KANK1: variants seen among roughly 807,000 people sequenced by gnomAD.
The protein encoded by KANK1 is KN motif and ankyrin repeat domain-containing protein 1.
In KANK1, 109 loss-of-function variants were observed where a neutral mutation model predicts 106.2. The ratio of observed to expected loss-of-function variants is 1.03; its 90% confidence interval spans 0.88 to 1.20. The LOEUF (loss-of-function observed/expected upper bound fraction) is 1.20, where lower values mean the gene tolerates loss of function less well. KANK1 is among the 50% of genes most tolerant of loss of function. The pLI, the probability that KANK1 is intolerant of heterozygous loss-of-function variation, is 0.00. For synonymous variants in KANK1, 873 were observed against 652.2 expected, an observed-to-expected ratio of 1.34 and a Z score of -5.16; for missense variants, 2,399 against 1,710.7, an observed-to-expected ratio of 1.40 and a Z score of -7.10.
At chr9:657,814 T>G (rs1842475511) in intron 1 of KANK1, among the ~76,000 whole-genome samples, 1 of 152,134 alleles carries the variant, frequency 6.6e-6, no homozygotes, top group Non-Finnish European at 1.5e-5. Flanking sequence ...TAGGAACTTT[T>G]ATGTTCTTAA....
intron 1 of KANK1, among the ~76,000 whole-genome samples, chr9:625,876 C>G (rs1162713038): frequency 6.6e-6 from 1 of 152,034 alleles, no homozygotes; most frequent in African/African-American, 2.4e-5. Flanking sequence ...GGTTCATTTC[C>G]CGGTTTTAAC....
intron 1 of KANK1, among the ~76,000 whole-genome samples, chr9:611,946 C>T (rs1437794774): frequency 6.6e-6 from 1 of 152,182 alleles, no homozygotes; most frequent in Admixed American, 6.5e-5. Context: ...TCTCGATCTC[C>T]TGACCTTGTG....
chr9:661,204 C>T (rs577875706), intron 1 of KANK1, among the ~76,000 whole-genome samples: 1 of 152,146 alleles, frequency 6.6e-6, no homozygotes, highest in East Asian at 1.9e-4. Context: ...ATACATGTGC[C>T]ATGTTGGTGT....
At chr9:550,313 A>C (rs1162298311) in intron 1 of KANK1, among the ~76,000 whole-genome samples, 2 of 152,054 alleles carry the variant, frequency 1.3e-5, no homozygotes, top group African/African-American at 4.8e-5. Flanking sequence ...GGTGTTTATT[A>C]CCAAAAAAAC....
At chr9:492,286 C>G (rs929512489) in intron 3 of KANK1, 1 of 152,180 alleles carries the variant, frequency 6.6e-6, no homozygotes, top group African/African-American at 2.4e-5. Context: ...AATGATAGTA[C>G]TTAACTTGCA....
chr9:507,059 A>G (rs986463198), intron 1 of KANK1, among the ~76,000 whole-genome samples: 70 of 152,124 alleles, frequency 4.6e-4, no homozygotes, highest in African/African-American at 1.6e-3. Flanking sequence ...TCACCCTTCA[A>G]TAAGAAAAGT....
At position 713,086 on chromosome 9, in the gene KANK1, C is replaced by T. The variant is rs768486417; in HGVS notation, c.2320C>T (p.Leu774Phe). 6.2e-7 allele frequency: 1 copy of T among 1,613,394 alleles called. No individual in the cohort carries two copies. The highest frequency in any genetic ancestry group is 1.1e-5 in the South Asian group (1 of 90,974). The part of the protein sequence containing the change: ...ININDNYLVG[L>F]KMRTIACGPP... ...TATTAACGACAACTATCTGGTTGGT[C>T]TCAAAATGAGGACTATAGCTTGTGG... The change falls in exon 3 of 12, where the codon CTC (leucine) becomes TTC (phenylalanine). Residue 774 changes from leucine (L) to phenylalanine (F), a missense_variant. Coordinates refer to ENST00000382297, the MANE Select transcript of KANK1 (RefSeq NM_015158.5).
intron 3 of KANK1, among the ~76,000 whole-genome samples, chr9:728,637 A>G (rs1173971274): frequency 6.6e-6 from 1 of 152,168 alleles, no homozygotes; most frequent in Non-Finnish European, 1.5e-5. Context: ...TTAGGTCTGA[A>G]AAGAGACATT....
intron 1 of KANK1, among the ~76,000 whole-genome samples, chr9:568,329 A>G (rs1030104207): frequency 6.6e-6 from 1 of 152,208 alleles, no homozygotes; most frequent in Non-Finnish European, 1.5e-5. Context: ...TAAAGTAAGC[A>G]TTTCCTTAAT....
chr9:740,769 CTTT>C lies in KANK1; in HGVS notation c.3554-7_3554-5del, dbSNP rs58169581. 791 of 1,500,084 alleles carry C rather than the reference CTTT, an allele frequency of 5.3e-4. No homozygotes were observed. The highest frequency in any genetic ancestry group is 2.1e-3 in the Admixed American group (99 of 47,714). The allele number at this position is 1,500,084 out of a possible 1,614,324, so 92.9% of individuals were successfully genotyped here. A position where few individuals can be genotyped will look rare whatever the true frequency, so the allele number is the denominator to read the frequency against. ...TTAGAAGGGGCTGCTTCCTAAGAGA[CTTT>C]TTTTTTTTTTTTTTTACAGATGTGT... On this transcript the variant is annotated intron_variant, in intron 8 of 11. Coordinates refer to ENST00000382297, the MANE Select transcript of KANK1 (RefSeq NM_015158.5).
At chr9:571,543 C>T (rs903530138) in intron 1 of KANK1, among the ~76,000 whole-genome samples, 8 of 151,398 alleles carry the variant, frequency 5.3e-5, no homozygotes, top group African/African-American at 1.5e-4. Context: ...GGCAAGGAAA[C>T]AGCTATGCTT....
At chr9:691,739 G>C (rs1019629267) in intron 2 of KANK1, among the ~76,000 whole-genome samples, 1 of 146,966 alleles carries the variant, frequency 6.8e-6, no homozygotes, top group African/African-American at 2.5e-5. Flanking sequence ...CTCAGCTCCC[G>C]AGAAACTGAG....
intron 2 of KANK1, chr9:684,198 A>G (rs1818105903): frequency 2.0e-6 from 2 of 985,414 alleles, no homozygotes; most frequent in Non-Finnish European, 2.4e-6. Context: ...TGAGCCAGTC[A>G]TAATGGCTTA....
intron 1 of KANK1, among the ~76,000 whole-genome samples, chr9:532,565 C>A (rs888728528): frequency 7.9e-5 from 12 of 151,886 alleles, no homozygotes; most frequent in African/African-American, 2.4e-4. Context: ...CTGGTAACAA[C>A]CATTCTACGT....
chr9:597,363 G>C (rs1222100032), intron 1 of KANK1, among the ~76,000 whole-genome samples: 1 of 151,692 alleles, frequency 6.6e-6, no homozygotes, highest in East Asian at 1.9e-4. Context: ...CCATATCCTT[G>C]CAAACATTTA....
intron 1 of KANK1, among the ~76,000 whole-genome samples, chr9:538,227 G>C (rs1349802220): frequency 6.6e-6 from 1 of 152,098 alleles, no homozygotes; most frequent in Admixed American, 6.5e-5. Flanking sequence ...GATTGTACTT[G>C]AGAAAGATCG....
At chr9:603,434 T>C (rs912150758) in intron 1 of KANK1, among the ~76,000 whole-genome samples, 1 of 151,824 alleles carries the variant, frequency 6.6e-6, no homozygotes, top group Non-Finnish European at 1.5e-5. Context: ...AAGAGCAGTT[T>C]GTGTGTCTTC....
intron 1 of KANK1, among the ~76,000 whole-genome samples, chr9:628,223 A>G (rs146956476): frequency 6.6e-6 from 1 of 152,302 alleles, no homozygotes; most frequent in East Asian, 1.9e-4. Flanking sequence ...CTCGTCTTCA[A>G]CCTGCTCCTG....
chr9:592,384 C>CA (rs1825148937), intron 1 of KANK1, among the ~76,000 whole-genome samples: 2 of 151,872 alleles, frequency 1.3e-5, no homozygotes, highest in South Asian at 2.1e-4. Context: ...TGTGTTGACT[C>CA]AAAGACTTTG....
Sources: gnomAD v4.1 joint callset for allele counts (sites outside exome capture counted in the v4.1 genomes callset) on GRCh38, gnomAD v4.1.1 for gene constraint, MANE v1.5 for transcripts, NCBI Gene and HGNC (gene_info 2026-07-23, HGNC 2026-07-21) for gene names.